The following TINAG variants were observed in gnomAD, a reference collection of about 807,000 sequenced individuals.
TINAG encodes the protein tubulointerstitial nephritis antigen.
Under a neutral mutation model 72.7 loss-of-function variants are expected in TINAG, and 83 were observed. That is an observed-to-expected ratio of 1.14 (90% CI 0.96 to 1.37). TINAG has a LOEUF of 1.37. Ranked by LOEUF, TINAG falls within the 40% of genes most tolerant of loss-of-function variation. The pLI is 0.00. For missense variants in TINAG, 685 were observed against 576.6 expected (o/e 1.19, Z -1.93); for synonymous variants, 234 against 189.9 (o/e 1.23, Z -1.91).
At chr6:54,384,167 C>G (rs1764028716) in intron 10 of TINAG, among the ~76,000 whole-genome samples, 1 of 152,010 alleles carries the variant, frequency 6.6e-6, no homozygotes, top group Non-Finnish European at 1.5e-5. Flanking sequence ...AACACATGGA[C>G]ACAGGGAGGG....
At chr6:54,347,650 T>A (rs1785158925) in intron 6 of TINAG, 133 bp downstream of exon 6, 17 of 917,826 alleles carry the variant, frequency 1.9e-5, no homozygotes, top group Middle Eastern at 5.0e-4. Context: ...TGAATATAAA[T>A]ATGCTACATT....
chr6:54,344,001 C>T (rs1412917614), intron 5 of TINAG, among the ~76,000 whole-genome samples: 1 of 152,114 alleles, frequency 6.6e-6, no homozygotes, highest in Admixed American at 6.6e-5. Flanking sequence ...TACAGGCTAA[C>T]CCTCAAATTA....
chr6:54,357,601 A>C (rs1763094038), intron 9 of TINAG, among the ~76,000 whole-genome samples: 1 of 151,880 alleles, frequency 6.6e-6, no homozygotes, highest in South Asian at 2.1e-4. Context: ...GAAGCCTTGG[A>C]GTCATCCTTT....
At chr6:54,366,249 C>T (rs955915244) in intron 9 of TINAG, among the ~76,000 whole-genome samples, 1 of 140,006 alleles carries the variant, frequency 7.1e-6, no homozygotes, top group Non-Finnish European at 1.5e-5. Context: ...CGTACACGTA[C>T]GTGTATGTGT....
intron 3 of TINAG, among the ~76,000 whole-genome samples, chr6:54,324,911 C>T (rs931726502): frequency 6.6e-6 from 1 of 152,154 alleles, no homozygotes; most frequent in African/African-American, 2.4e-5. Context: ...TTGTCCTTAG[C>T]ATAAATAACA....
chr6:54,329,344 T>C (rs914999241), intron 4 of TINAG, among the ~76,000 whole-genome samples: 1 of 152,148 alleles, frequency 6.6e-6, no homozygotes, highest in African/African-American at 2.4e-5. Flanking sequence ...AAAAGAATTT[T>C]CAGCTCAGAA....
At chr6:54,369,059 A>T (rs769228687) in intron 9 of TINAG, among the ~76,000 whole-genome samples, 26 of 151,896 alleles carry the variant, frequency 1.7e-4, no homozygotes, top group Non-Finnish European at 2.7e-4. Context: ...TGAATCGAAC[A>T]TTCCTGGTTT....
At chr6:54,320,282 G>A (rs1192359504) in intron 1 of TINAG, among the ~76,000 whole-genome samples, 4 of 151,994 alleles carry the variant, frequency 2.6e-5, no homozygotes. Flanking sequence ...TTACTTAAAA[G>A]CATTAATTAT....
chr6:54,369,648 AATTGAAGCACT>A (rs1763545098), intron 9 of TINAG, among the ~76,000 whole-genome samples: 1 of 152,054 alleles, frequency 6.6e-6, no homozygotes, highest in South Asian at 2.1e-4. Context: ...AGCATTAAAT[AATTGAAGCACT>A]ATACACAGAG....
intron 1 of TINAG, among the ~76,000 whole-genome samples, chr6:54,311,218 C>T (rs114333064): frequency 0.013 from 1,980 of 152,180 alleles, 48 homozygotes; most frequent in African/African-American, 0.045. Flanking sequence ...TCCATGTCTC[C>T]GTGGACTAGT....
intron 9 of TINAG, among the ~76,000 whole-genome samples, chr6:54,374,523 T>G (rs1763724544): frequency 6.6e-6 from 1 of 152,154 alleles, no homozygotes; most frequent in Non-Finnish European, 1.5e-5. Flanking sequence ...TTACTAGGCA[T>G]GAGCTTTTCT....
chr6:54,358,598 G>A lies in TINAG; in HGVS notation c.1250+3962G>A, dbSNP rs185169442. 2.6e-5 allele frequency among the ~76,000 whole-genome samples: 4 copies of A among 151,138 alleles called. No homozygotes were observed. The East Asian group carries it at 7.9e-4, about 30-fold the overall frequency. ...GATAGCTGAGGCACTCTTCAGCTTCGATTCAAGTTTGTAAATGTTGAACCT... is the reference window on the plus strand; with the variant it reads ...GATAGCTGAGGCACTCTTCAGCTTCAATTCAAGTTTGTAAATGTTGAACCT... On this transcript the variant is annotated intron_variant, in intron 9 of 10. Coordinates refer to ENST00000259782, the MANE Select transcript of TINAG (RefSeq NM_014464.4).
intron 9 of TINAG, among the ~76,000 whole-genome samples, chr6:54,366,443 T>A (rs1224285431): frequency 1.3e-5 from 2 of 151,638 alleles, no homozygotes; most frequent in African/African-American, 4.8e-5. Context: ...GAACTACATG[T>A]TTAATATATA....
intron 3 of TINAG, among the ~76,000 whole-genome samples, chr6:54,324,664 A>G (rs1323155470): frequency 1.3e-5 from 2 of 152,154 alleles, no homozygotes; most frequent in Admixed American, 1.3e-4. Flanking sequence ...AGTCACTGGC[A>G]TCTTGCTCTA....
At position 54,354,111 on chromosome 6, in the gene TINAG, A is replaced by C. The variant is rs142808349; in HGVS notation, c.1127-402A>C. 8.4e-3 allele frequency among the ~76,000 whole-genome samples: 1,278 copies of C among 152,006 alleles called. 6 individuals are homozygous for C. Among genetic ancestry groups the C allele is most frequent in the Non-Finnish European group, 0.014 (964 of 67,852 alleles). On this transcript the variant is annotated intron_variant, in intron 8 of 10. Transcript: ENST00000259782. ...TATGAGGATTAACAACAATTGCTTT[A>C]AGCTCAGTTTGCTAGGCTCTGCTAG... is the stretch of plus-strand genomic sequence containing the variant.
chr6:54,362,205 AC>A (rs1409667123), intron 9 of TINAG, among the ~76,000 whole-genome samples: 2 of 151,742 alleles, frequency 1.3e-5, no homozygotes, highest in East Asian at 3.9e-4. Context: ...GCCATCCAGG[AC>A]TTTTATAGCT....
intron 9 of TINAG, among the ~76,000 whole-genome samples, chr6:54,364,571 T>C (rs1473211620): frequency 6.6e-6 from 1 of 151,468 alleles, no homozygotes; most frequent in East Asian, 1.9e-4. Flanking sequence ...TCAGTGATTT[T>C]AGGATTCTTT....
intron 6 of TINAG, among the ~76,000 whole-genome samples, chr6:54,349,130 T>C (rs1259793962): frequency 6.6e-6 from 1 of 151,862 alleles, no homozygotes; most frequent in Non-Finnish European, 1.5e-5. Flanking sequence ...TTTTCTACTT[T>C]ATTAACATTT....
intron 5 of TINAG, among the ~76,000 whole-genome samples, chr6:54,343,850 T>C (rs1785060693): frequency 6.6e-6 from 1 of 152,150 alleles, no homozygotes; most frequent in Non-Finnish European, 1.5e-5. Flanking sequence ...TAAGCAAATA[T>C]ATAGGTTCTG....
Sources: allele counts gnomAD v4.1 joint callset (sites outside exome capture counted in the v4.1 genomes callset), GRCh38; gene constraint gnomAD v4.1.1; transcripts MANE v1.5; gene names NCBI Gene and HGNC (gene_info 2026-07-23, HGNC 2026-07-21).